The following SHB variants were observed in gnomAD, a reference collection of about 807,000 sequenced individuals.
SHB encodes SH2 domain-containing adapter protein B.
SHB carries 20 observed loss-of-function variants against 52.3 expected under a neutral mutation model. The ratio of observed to expected loss-of-function variants is 0.38; its 90% CI spans 0.27 to 0.56. The LOEUF is 0.56. SHB is among the 20% of genes least tolerant of loss of function. The pLI, the probability that SHB is intolerant of heterozygous loss-of-function variation, is 0.71. For synonymous variants in SHB, 397 were observed against 316.5 expected, an observed-to-expected ratio of 1.25 and a Z score of -2.70; for missense variants, 825 against 723.3, an observed-to-expected ratio of 1.14 and a Z score of -1.61.
intron 4 of SHB, among the ~76,000 whole-genome samples, chr9:37,950,284 G>A (rs1356915324): frequency 6.6e-6 from 1 of 150,662 alleles, no homozygotes; most frequent in Non-Finnish European, 1.5e-5. Context: ...TTGGTTTTTA[G>A]AGACAGGTTT....
chr9:37,981,238 C>T (rs1820720759), intron 2 of SHB, among the ~76,000 whole-genome samples: 2 of 152,234 alleles, frequency 1.3e-5, no homozygotes, highest in African/African-American at 4.8e-5. Context: ...GCATAGCCAC[C>T]TTCATCGATG....
At chr9:37,955,196 T>C (rs1007688324) in intron 4 of SHB, among the ~76,000 whole-genome samples, 1 of 152,238 alleles carries the variant, frequency 6.6e-6, no homozygotes, top group African/African-American at 2.4e-5. Context: ...AGGACTTATT[T>C]GCTGCATGAT....
At chr9:38,055,528 G>A (rs1821802556) in intron 1 of SHB, among the ~76,000 whole-genome samples, 1 of 151,972 alleles carries the variant, frequency 6.6e-6, no homozygotes, top group Admixed American at 6.6e-5. Flanking sequence ...GCCCACACAG[G>A]CCACACCTTC....
At chr9:38,043,977 C>T (rs1821613868) in intron 1 of SHB, among the ~76,000 whole-genome samples, 2 of 152,358 alleles carry the variant, frequency 1.3e-5, no homozygotes, top group Admixed American at 1.3e-4. Context: ...CAATCCAGGG[C>T]CATGGCCCCT....
intron 1 of SHB, among the ~76,000 whole-genome samples, chr9:38,018,154 C>T (rs1044952785): frequency 2.0e-5 from 3 of 151,342 alleles, no homozygotes; most frequent in African/African-American, 7.3e-5. Flanking sequence ...GGGGGATTTG[C>T]TGGCGGGGTG....
chr9:37,927,606 G>A (rs1832265394), intron 5 of SHB, among the ~76,000 whole-genome samples: 1 of 152,184 alleles, frequency 6.6e-6, no homozygotes, highest in Non-Finnish European at 1.5e-5. Flanking sequence ...CAAAGCAGTA[G>A]GTATGTCAAA....
intron 2 of SHB, among the ~76,000 whole-genome samples, chr9:37,993,524 G>A (rs554920014): frequency 4.6e-5 from 7 of 152,170 alleles, no homozygotes; most frequent in South Asian, 2.1e-4. Flanking sequence ...AAACCTGCAC[G>A]TTGTGCACAA....
intron 1 of SHB, among the ~76,000 whole-genome samples, chr9:38,060,916 C>T (rs564517505): frequency 6.6e-6 from 1 of 152,232 alleles, no homozygotes; most frequent in African/African-American, 2.4e-5. Context: ...ACTATCCAGG[C>T]CCTGGTTCAT....
intron 2 of SHB, among the ~76,000 whole-genome samples, chr9:37,989,225 A>G (rs932989097): frequency 1.1e-4 from 17 of 152,132 alleles, no homozygotes; most frequent in Non-Finnish European, 2.2e-4. Flanking sequence ...CTTCTTAGGA[A>G]ACAAAGGTCC....
intron 1 of SHB, among the ~76,000 whole-genome samples, chr9:38,063,130 G>A (rs893370953): frequency 1.3e-5 from 2 of 152,192 alleles, no homozygotes; most frequent in Admixed American, 1.3e-4. Context: ...GCTTTCAGGG[G>A]ATGGGACTTC....
At chr9:38,021,441 A>G (rs990497357) in intron 1 of SHB, among the ~76,000 whole-genome samples, 4 of 152,160 alleles carry the variant, frequency 2.6e-5, no homozygotes, top group Non-Finnish European at 4.4e-5. Context: ...AGATAACCTG[A>G]GGTCAGATAA....
At chr9:37,996,514 T>G (rs940220092) in intron 2 of SHB, among the ~76,000 whole-genome samples, 10 of 152,168 alleles carry the variant, frequency 6.6e-5, no homozygotes, top group Non-Finnish European at 1.2e-4. Flanking sequence ...TTAAAAAAAT[T>G]TGGTAATTCA....
intron 2 of SHB, among the ~76,000 whole-genome samples, chr9:37,986,767 T>C (rs1247372239): frequency 1.3e-5 from 2 of 152,146 alleles, no homozygotes; most frequent in African/African-American, 4.8e-5. Flanking sequence ...AGGCCAACCA[T>C]GACAGGGCGG....
rs553937297 is a variant in SHB at position 37,961,942 on chromosome 9, C to T, written c.1055-5888G>A. ...CCCATGGCCGACCTGCAGCTAGCTC[C>T]GATGAATGGCCCGTGGCTGAAACCC... On this transcript the variant is annotated intron_variant, in intron 3 of 5. Transcript: ENST00000377707. Among the ~76,000 whole-genome samples the T allele has an allele frequency of 6.0e-4, 92 of 152,292 alleles. 1 individual carries two copies. The highest frequency in any genetic ancestry group is 1.9e-3 in the African/African-American group (81 of 41,562).
intron 1 of SHB, among the ~76,000 whole-genome samples, chr9:38,066,820 C>T (rs1821970067): frequency 6.6e-6 from 1 of 152,142 alleles, no homozygotes; most frequent in Admixed American, 6.5e-5. Flanking sequence ...CCTGTCTGGA[C>T]ATCCAGTCCT....
chr9:37,982,825 T>C (rs932464211), intron 2 of SHB, among the ~76,000 whole-genome samples: 3 of 152,024 alleles, frequency 2.0e-5, no homozygotes, highest in Admixed American at 2.0e-4. Flanking sequence ...AATAAGCATC[T>C]AATGAAATGA....
chr9:38,026,275 G>A (rs367680646), intron 1 of SHB, among the ~76,000 whole-genome samples: 4 of 152,326 alleles, frequency 2.6e-5, no homozygotes, highest in East Asian at 3.9e-4. Context: ...CCTCTCTCTC[G>A]TGTGTGCTTC....
At chr9:38,000,443 C>A (rs59986827) in intron 2 of SHB, among the ~76,000 whole-genome samples, 6,890 of 152,318 alleles carry the variant, frequency 0.045, 332 homozygotes, top group African/African-American at 0.12. Flanking sequence ...CCAACTGACC[C>A]TGGAAGGCCC....
At chr9:37,947,700 T>C (rs73455520) in intron 5 of SHB, among the ~76,000 whole-genome samples, 2,123 of 152,338 alleles carry the variant, frequency 0.014, 51 homozygotes, top group African/African-American at 0.048. Context: ...CTGAAGCCTC[T>C]GTCTACAGGG....
Sources: gnomAD v4.1 joint callset for allele counts (sites outside exome capture counted in the v4.1 genomes callset) on GRCh38, gnomAD v4.1.1 for gene constraint, MANE v1.5 for transcripts, NCBI Gene and HGNC (gene_info 2026-07-23, HGNC 2026-07-21) for gene names.